Variants in PRKAR2B observed in about 807,000 individuals in gnomAD.
PRKAR2B encodes the protein cAMP-dependent protein kinase type II-beta regulatory subunit.
PRKAR2B carries 14 observed loss-of-function variants against 49.9 expected under a neutral mutation model. That is an observed-to-expected ratio of 0.28 (90% CI 0.19 to 0.44). The LOEUF is 0.44. PRKAR2B is among the 20% of genes least tolerant of loss of function. PRKAR2B has a pLI of 1.00. For missense variants in PRKAR2B, 393 were observed against 537.9 expected, an observed-to-expected ratio of 0.73 and a Z score of 2.67; for synonymous variants, 196 against 197.7, an observed-to-expected ratio of 0.99 and a Z score of 0.07.
chr7:107,128,712 A>G (rs1452919250), intron 4 of PRKAR2B: 1 of 153,446 alleles, frequency 6.5e-6, no homozygotes, highest in Non-Finnish European at 1.4e-5. Flanking sequence ...TAGTAATTAT[A>G]TTTGAATGTG....
At chr7:107,115,096 C>G (rs1470717027) in intron 2 of PRKAR2B, among the ~76,000 whole-genome samples, 1 of 151,782 alleles carries the variant, frequency 6.6e-6, no homozygotes, top group Non-Finnish European at 1.5e-5. Flanking sequence ...AATTACATGT[C>G]TGGGATGGTT....
At chr7:107,118,450 T>A (rs1795320408) in intron 2 of PRKAR2B, among the ~76,000 whole-genome samples, 1 of 119,600 alleles carries the variant, frequency 8.4e-6, no homozygotes, top group African/African-American at 2.7e-5. Context: ...AACCAGTCAT[T>A]TATTTAAAAA....
intron 3 of PRKAR2B, among the ~76,000 whole-genome samples, chr7:107,122,241 G>A (rs536396438): frequency 2.0e-5 from 3 of 152,216 alleles, no homozygotes; most frequent in Non-Finnish European, 2.9e-5. Flanking sequence ...GATGAAAAGT[G>A]TTTTCAGCTG....
chr7:107,109,966 T>G (rs1377959555), intron 2 of PRKAR2B, among the ~76,000 whole-genome samples: 1 of 152,142 alleles, frequency 6.6e-6, no homozygotes, highest in East Asian at 1.9e-4. Context: ...AGGTGAGCAC[T>G]CACAGTACCT....
intron 10 of PRKAR2B, among the ~76,000 whole-genome samples, chr7:107,158,907 A>G (rs1368281131): frequency 6.6e-6 from 1 of 152,216 alleles, no homozygotes. Flanking sequence ...TCCAGGAGAC[A>G]GGCAAGCAAA....
chr7:107,128,197 C>T lies in PRKAR2B; in HGVS notation c.397-15C>T. The T allele has an allele frequency of 6.4e-7, 1 of 1,571,366 alleles. No homozygotes were observed. Among genetic ancestry groups the T allele is most frequent in the Non-Finnish European group, 8.7e-7 (1 of 1,143,756 alleles). The stretch of plus-strand genomic sequence containing the variant: ...TGGCTAATGTCTTTGTTTTTTAAAT[C>T]TGATGTCCTTTTAGATTATACATCC... On this transcript the variant is annotated splice_polypyrimidine_tract_variant and intron_variant, in intron 3 of 10. Transcript: ENST00000265717.
intron 1 of PRKAR2B, 131 bp downstream of exon 1, chr7:107,045,345 C>G: frequency 4.0e-6 from 3 of 756,582 alleles, no homozygotes; most frequent in Non-Finnish European, 6.1e-6. Flanking sequence ...CCCTACCTTC[C>G]CATCTCGCCC....
intron 2 of PRKAR2B, among the ~76,000 whole-genome samples, chr7:107,115,664 G>C (rs1308968158): frequency 6.6e-6 from 1 of 152,134 alleles, no homozygotes; most frequent in Non-Finnish European, 1.5e-5. Flanking sequence ...GAGAAAGAGA[G>C]AGGGAGAGAG....
At chr7:107,115,716 A>G (rs1795261366) in intron 2 of PRKAR2B, among the ~76,000 whole-genome samples, 1 of 152,160 alleles carries the variant, frequency 6.6e-6, no homozygotes, top group Admixed American at 6.6e-5. Context: ...GGGCCATCAA[A>G]TGGTTTTTTT....
chr7:107,107,541 G>T (rs1446495937), intron 2 of PRKAR2B, among the ~76,000 whole-genome samples: 2 of 152,032 alleles, frequency 1.3e-5, no homozygotes, highest in African/African-American at 4.8e-5. Flanking sequence ...CTAGACAGTA[G>T]TACAAATGCC....
intron 2 of PRKAR2B, among the ~76,000 whole-genome samples, chr7:107,072,106 AAT>A (rs1005819075): frequency 3.4e-5 from 5 of 148,360 alleles, no homozygotes; most frequent in South Asian, 2.1e-4. Flanking sequence ...ATAAAAAATA[AAT>A]ATATATATAT....
At chr7:107,088,263 C>A (rs1335044224) in intron 2 of PRKAR2B, among the ~76,000 whole-genome samples, 1 of 152,074 alleles carries the variant, frequency 6.6e-6, no homozygotes, top group African/African-American at 2.4e-5. Flanking sequence ...GTATCCTATG[C>A]AGTTATCTTG....
intron 1 of PRKAR2B, among the ~76,000 whole-genome samples, chr7:107,057,462 G>GA (rs1215709939): frequency 1.1e-4 from 16 of 151,290 alleles, no homozygotes; most frequent in African/African-American, 2.9e-4. Flanking sequence ...TGCTTTTATG[G>GA]AAAAAAGCAA....
At chr7:107,121,839 A>T in intron 2 of PRKAR2B, 113 bp from the exon 3 acceptor site, 1 of 505,292 alleles carries the variant, frequency 2.0e-6, no homozygotes, top group Non-Finnish European at 3.3e-6. Flanking sequence ...GAGGTGAATT[A>T]ATGGTTTTTT....
chr7:107,107,135 G>A (rs976299807), intron 2 of PRKAR2B, among the ~76,000 whole-genome samples: 123 of 152,250 alleles, frequency 8.1e-4, no homozygotes, highest in African/African-American at 2.8e-3. Flanking sequence ...TCAGGAGTTC[G>A]AGACCAGCCT....
At chr7:107,096,008 C>T (rs943324324) in intron 2 of PRKAR2B, among the ~76,000 whole-genome samples, 2 of 152,134 alleles carry the variant, frequency 1.3e-5, no homozygotes, top group Non-Finnish European at 2.9e-5. Context: ...GAGGATGATG[C>T]TGGCCTCATA....
At chr7:107,149,233 TA>T (rs1484951130) in intron 6 of PRKAR2B, among the ~76,000 whole-genome samples, 1 of 152,316 alleles carries the variant, frequency 6.6e-6, no homozygotes, top group South Asian at 2.1e-4. Flanking sequence ...AATTATCTTG[TA>T]AAATTTTCTT....
intron 4 of PRKAR2B, among the ~76,000 whole-genome samples, chr7:107,129,803 C>CT (rs1795570922): frequency 6.6e-6 from 1 of 152,174 alleles, no homozygotes; most frequent in Non-Finnish European, 1.5e-5. Flanking sequence ...TATAGGGTAA[C>CT]TTCCTGACAT....
At chr7:107,110,910 G>C (rs1378368098) in intron 2 of PRKAR2B, among the ~76,000 whole-genome samples, 1 of 152,084 alleles carries the variant, frequency 6.6e-6, no homozygotes, top group African/African-American at 2.4e-5. Context: ...AAGGGGACTG[G>C]ATCTTGCACC....
Sources: allele counts gnomAD v4.1 joint callset (sites outside exome capture counted in the v4.1 genomes callset), GRCh38; gene constraint gnomAD v4.1.1; transcripts MANE v1.5; gene names NCBI Gene and HGNC (gene_info 2026-07-23, HGNC 2026-07-21).